Variants in TDRD5 observed in about 807,000 individuals in gnomAD.
TDRD5 encodes tudor domain containing 5.
Under a neutral mutation model 120.6 loss-of-function variants are expected in TDRD5, and 41 were observed. The ratio of observed to expected loss-of-function variants is 0.34; its 90% CI spans 0.26 to 0.44. The LOEUF (loss-of-function observed/expected upper bound fraction) is 0.44. Among genes scored for constraint, TDRD5 ranks in the 20% least tolerant of loss-of-function variants. The pLI, the probability that TDRD5 is intolerant of heterozygous loss-of-function variation, is 1.00. For synonymous variants in TDRD5, 430 were observed against 433.7 expected, an observed-to-expected ratio of 0.99 and a Z score of 0.11; for missense variants, 1,006 against 1,221.2, an observed-to-expected ratio of 0.82 and a Z score of 2.63.
intron 14 of TDRD5, among the ~76,000 whole-genome samples, chr1:179,661,374 T>C (rs1558414698): frequency 7.4e-6 from 1 of 134,454 alleles, no homozygotes; most frequent in Non-Finnish European, 1.7e-5. Flanking sequence ...GTTTTTTGTT[T>C]GGTTGTTTTT....
intron 4 of TDRD5, among the ~76,000 whole-genome samples, chr1:179,598,072 C>T (rs1675501998): frequency 6.6e-6 from 1 of 152,166 alleles, no homozygotes; most frequent in South Asian, 2.1e-4. Flanking sequence ...TAGCCTACTA[C>T]ACACCTAGGC....
intron 14 of TDRD5, among the ~76,000 whole-genome samples, chr1:179,656,063 AAT>A (rs1176899850): frequency 6.6e-6 from 1 of 152,218 alleles, no homozygotes; most frequent in Non-Finnish European, 1.5e-5. Flanking sequence ...CACCAGCAAT[AAT>A]ATATGAGTTC....
rs770003623 is a variant in TDRD5, at chr1:179,593,415, A to T, written c.233-45A>T. On this transcript the variant is annotated intron_variant, in intron 2 of 17. Coordinates refer to ENST00000444136, the MANE Select transcript of TDRD5 (RefSeq NM_001199085.3). ...CACAGATACTAAGGATAAAGAAGGG[A>T]GTAAGTTTTCCTCCTAAATATGATT... The T allele has an allele frequency of 1.1e-5, 18 of 1,570,852 alleles. No homozygotes were observed. The African/African-American group carries it at 2.3e-4, about 20-fold the overall frequency.
At chr1:179,614,006 A>G (rs1269678661) in intron 4 of TDRD5, among the ~76,000 whole-genome samples, 1 of 152,232 alleles carries the variant, frequency 6.6e-6, no homozygotes, top group Non-Finnish European at 1.5e-5. Flanking sequence ...TTCTGCTTTT[A>G]GCCATGTGCA....
At position 179,618,619 on chromosome 1, in the gene TDRD5, AGT is replaced by A; in HGVS notation, c.853_854del (p.Val285TyrfsTer17). ...CATAGCTGGAGAACACATTCAAATC[AGT>A]TATTGCACAGATTGGACCTGGAGGA... Reference protein sequence around the residue: ...LNQLENTFKSVIAQIGPGGTI... With the variant: ...LNQLENTFKSXIAQIGPGGTI... On this transcript the variant is annotated frameshift_variant, in exon 5 of 18. Transcript: ENST00000444136. LOFTEE classifies it high-confidence loss of function. 6.3e-7 allele frequency: 1 copy of A among 1,589,774 alleles called. No individual in the cohort carries two copies. The highest frequency in any genetic ancestry group is 8.5e-7 in the Non-Finnish European group (1 of 1,170,476).
At chr1:179,616,989 G>C (rs936229704) in intron 4 of TDRD5, among the ~76,000 whole-genome samples, 3 of 152,172 alleles carry the variant, frequency 2.0e-5, no homozygotes, top group African/African-American at 7.2e-5. Flanking sequence ...GGAAAGATCA[G>C]TTATATTTAG....
chr1:179,637,610 G>A (rs1404519957), intron 9 of TDRD5, among the ~76,000 whole-genome samples: 1 of 151,458 alleles, frequency 6.6e-6, no homozygotes, highest in Non-Finnish European at 1.5e-5. Context: ...AGCTGGGCAT[G>A]ATGGTGCATG....
chr1:179,653,762 C>T (rs1678843978), intron 13 of TDRD5, among the ~76,000 whole-genome samples: 1 of 152,150 alleles, frequency 6.6e-6, no homozygotes, highest in Non-Finnish European at 1.5e-5. Context: ...ATATGCTACA[C>T]ACACACCTAC....
intron 15 of TDRD5, 48 bp downstream of exon 15, chr1:179,662,334 C>T: frequency 5.1e-6 from 8 of 1,565,904 alleles, no homozygotes; most frequent in African/African-American, 1.4e-5. Flanking sequence ...GGCACTGCGG[C>T]TCAAGCCTGT....
In TDRD5 at chr1:179,592,819, C is replaced by T. The variant is rs775557324; in HGVS notation, c.204C>T (p.Pro68=). The change falls in exon 2 of 18, where the codon CCC becomes CCT. Residue 68 remains proline, a synonymous_variant. Coordinates refer to ENST00000444136, the MANE Select transcript of TDRD5 (RefSeq NM_001199085.3). Reference sequence around the variant, plus strand: ...TGCCTGATGTTGTTCGTGTCTGCCCCGGTGCAGGTGGTACTGTAATACTGA... The same window carrying T: ...TGCCTGATGTTGTTCGTGTCTGCCCTGGTGCAGGTGGTACTGTAATACTGA... ...LDMPDVVRVC[P]GAGGTVILKA... 15 of 1,613,974 alleles carry T rather than the reference C, an allele frequency of 9.3e-6. No individual in the cohort carries two copies. In the South Asian group the frequency reaches 1.5e-4, roughly 17 times the overall value.
chr1:179,675,273 A>ATTTT lies in TDRD5; in HGVS notation c.2860+5890_2860+5893dup, dbSNP rs1172444253. On this transcript the variant is annotated intron_variant, in intron 17 of 17. Coordinates refer to ENST00000444136, the MANE Select transcript of TDRD5 (RefSeq NM_001199085.3). ...AAGAATTTTTATTATTATTATTATTATTTTTTTTTTTTTTTTTTTTTTTTG... is the reference window on the plus strand; with the variant it reads ...AAGAATTTTTATTATTATTATTATTATTTTTTTTTTTTTTTTTTTTTTTTTTTTG... Among the ~76,000 whole-genome samples the ATTTT allele has an allele frequency of 3.0e-3, 199 of 66,526 alleles. 6 individuals carry two copies. The highest frequency in any genetic ancestry group is 9.3e-3 in the African/African-American group (172 of 18,542). 43.6% of individuals were successfully genotyped at this position (66,526 alleles called of 152,430 possible).
chr1:179,690,639 G>T (rs1572457961), intron 17 of TDRD5, 57 bp from the exon 18 acceptor site: 3 of 1,569,374 alleles, frequency 1.9e-6, no homozygotes, highest in South Asian at 2.4e-5. Context: ...TGGGGGAGAG[G>T]AGGCAGTGAG....
chr1:179,607,076 A>G (rs541383268), intron 4 of TDRD5, among the ~76,000 whole-genome samples: 3 of 152,272 alleles, frequency 2.0e-5, no homozygotes, highest in African/African-American at 7.2e-5. Context: ...TGAACATGGA[A>G]TAATTATCCG....
chr1:179,643,965 G>A (rs1678197875), intron 11 of TDRD5, among the ~76,000 whole-genome samples: 1 of 151,838 alleles, frequency 6.6e-6, no homozygotes, highest in Non-Finnish European at 1.5e-5. Context: ...GGAAAATACA[G>A]GAAACAATAA....
intron 17 of TDRD5, among the ~76,000 whole-genome samples, chr1:179,689,180 A>C (rs4652440): frequency 0.02 from 2,989 of 151,942 alleles, 77 homozygotes; most frequent in African/African-American, 0.067. Context: ...CCATCTTTGT[A>C]GTTTTATCTA....
intron 14 of TDRD5, among the ~76,000 whole-genome samples, chr1:179,655,379 C>G (rs898974028): frequency 1.3e-5 from 2 of 152,132 alleles, no homozygotes; most frequent in Non-Finnish European, 2.9e-5. Context: ...ACGGCTTGGC[C>G]AAGTATTATA....
intron 17 of TDRD5, among the ~76,000 whole-genome samples, chr1:179,682,877 C>T (rs971119968): frequency 1.3e-5 from 2 of 152,028 alleles, no homozygotes; most frequent in Non-Finnish European, 2.9e-5. Context: ...TGTTTTGTCC[C>T]AACGTAAGAT....
intron 14 of TDRD5, among the ~76,000 whole-genome samples, chr1:179,656,914 G>C (rs1679037257): frequency 6.6e-6 from 1 of 152,116 alleles, no homozygotes; most frequent in South Asian, 2.1e-4. Flanking sequence ...CTAGCCGAGT[G>C]TGGTGGTGGG....
chr1:179,610,836 A>G (rs1245518914), intron 4 of TDRD5, among the ~76,000 whole-genome samples: 1 of 151,914 alleles, frequency 6.6e-6, no homozygotes, highest in Non-Finnish European at 1.5e-5. Context: ...GAAAGTTTAG[A>G]ATTGTTTTTG....
Sources: gnomAD v4.1 joint callset for allele counts (sites outside exome capture counted in the v4.1 genomes callset) on GRCh38, gnomAD v4.1.1 for gene constraint, MANE v1.5 for transcripts, NCBI Gene and HGNC (gene_info 2026-07-23, HGNC 2026-07-21) for gene names.